The following COL5A1 variants were observed in gnomAD, a reference collection of about 807,000 sequenced individuals.
The protein encoded by COL5A1 is collagen type V alpha 1 chain.
In COL5A1, 16 loss-of-function variants were observed where a neutral mutation model predicts 263.7. The ratio of observed to expected loss-of-function variants is 0.06; its 90% CI spans 0.04 to 0.09. COL5A1 has a LOEUF of 0.09. Ranked by LOEUF, COL5A1 falls within the 10% of genes least tolerant of loss-of-function variation. COL5A1 has a pLI of 1.00. For missense variants in COL5A1, 2,036 were observed against 2,540.5 expected, an observed-to-expected ratio of 0.80 and a Z score of 4.27; for synonymous variants, 1,012 against 1,004.5, an observed-to-expected ratio of 1.01 and a Z score of -0.14.
At position 134,700,626 on chromosome 9, in the gene COL5A1, T is replaced by G. The variant is rs1227337168; in HGVS notation, c.491+504T>G. On this transcript the variant is annotated intron_variant, in intron 3 of 65. Transcript: ENST00000371817. The surrounding 1 kb of genome is among the most constrained non-coding windows in gnomAD (Gnocchi z 4.0). The stretch of plus-strand genomic sequence containing the variant: ...GTCATGCCCTGATAATCTCCGAACG[T>G]CTTCAATACATGATTTCTGAATTCT... Among the ~76,000 whole-genome samples the G allele has an allele frequency of 6.6e-6, 1 of 152,138 alleles. No homozygotes were observed. Among genetic ancestry groups the G allele is most frequent in the Admixed American group, 6.5e-5 (1 of 15,278 alleles).
At chr9:134,699,067 G>A (rs1192828672) in intron 2 of COL5A1, among the ~76,000 whole-genome samples, 1 of 152,198 alleles carries the variant, frequency 6.6e-6, no homozygotes, top group South Asian at 2.1e-4. Context: ...TCAGCCCCAG[G>A]CTCTTGGCAG....
At chr9:134,734,495 C>A (rs1835024188) in intron 9 of COL5A1, among the ~76,000 whole-genome samples, 1 of 152,266 alleles carries the variant, frequency 6.6e-6, no homozygotes, top group Non-Finnish European at 1.5e-5. Context: ...TGCACATAAA[C>A]AGATGGCCAG....
chr9:134,738,643 G>A (rs1394058084), intron 10 of COL5A1, 103 bp from the exon 11 acceptor site: 7 of 1,519,672 alleles, frequency 4.6e-6, no homozygotes, highest in South Asian at 1.1e-5. Flanking sequence ...CCTGGGAGCC[G>A]GCGCTATCCC....
At chr9:134,697,445 G>T (rs1361981465) in intron 2 of COL5A1, among the ~76,000 whole-genome samples, 1 of 152,226 alleles carries the variant, frequency 6.6e-6, no homozygotes, top group Non-Finnish European at 1.5e-5. Flanking sequence ...AGACATGAGT[G>T]TGCGCAACTC....
rs1417669044 is a variant in COL5A1 at position 134,834,726 on chromosome 9, G to C, written c.5137-245G>C. On this transcript the variant is annotated intron_variant, in intron 64 of 65. Coordinates refer to ENST00000371817, the MANE Select transcript of COL5A1 (RefSeq NM_000093.5). ...GCCGAGCCCTGAAGGATAAGCATAA[G>C]CCAAGAGAAGTGGGTGGATTATTTA... Among the ~76,000 whole-genome samples, 3 of 152,328 alleles carry C rather than the reference G, an allele frequency of 2.0e-5. No homozygotes were observed. The East Asian group carries it at 5.8e-4, about 29-fold the overall frequency.
At chr9:134,747,690 A>G (rs554982826) in intron 11 of COL5A1, among the ~76,000 whole-genome samples, 1,993 of 118,502 alleles carry the variant, frequency 0.017, 31 homozygotes, top group African/African-American at 0.044. Flanking sequence ...CACACATGCA[A>G]ACACATGCAC....
At chr9:134,683,959 C>T (rs1832936779) in intron 1 of COL5A1, among the ~76,000 whole-genome samples, 1 of 152,216 alleles carries the variant, frequency 6.6e-6, no homozygotes, top group African/African-American at 2.4e-5. Context: ...TATGGAGCGT[C>T]CAGGCTCAGG....
At chr9:134,819,524 T>C (rs1838906367) in intron 57 of COL5A1, among the ~76,000 whole-genome samples, 1 of 152,222 alleles carries the variant, frequency 6.6e-6, no homozygotes, top group South Asian at 2.1e-4. Flanking sequence ...TGGTTGTATA[T>C]GAAGCAGAAG....
chr9:134,796,308 G>A, intron 34 of COL5A1, 66 bp from the exon 35 acceptor site: 1 of 1,547,292 alleles, frequency 6.5e-7, no homozygotes, highest in Admixed American at 1.7e-5. Flanking sequence ...TGACGTTGTG[G>A]GCCAGAGTCT....
chr9:134,672,240 G>A (rs1377512062), intron 1 of COL5A1, among the ~76,000 whole-genome samples: 1 of 152,176 alleles, frequency 6.6e-6, no homozygotes, highest in African/African-American at 2.4e-5. Flanking sequence ...AAAGCAATAT[G>A]TGTCCATGAT....
At chr9:134,670,263 C>G (rs7868585) in intron 1 of COL5A1, among the ~76,000 whole-genome samples, 2,749 of 152,316 alleles carry the variant, frequency 0.018, 81 homozygotes, top group African/African-American at 0.061. Flanking sequence ...TCCTTTCTGT[C>G]TCTCTGATTA....
At chr9:134,752,910 G>A (rs893680479) in intron 14 of COL5A1, among the ~76,000 whole-genome samples, 7 of 152,122 alleles carry the variant, frequency 4.6e-5, no homozygotes, top group South Asian at 2.1e-4. Context: ...TGACATCAGC[G>A]ATCCTGGGAA....
At chr9:134,778,701 G>A (rs571700110) in intron 27 of COL5A1, among the ~76,000 whole-genome samples, 1 of 152,354 alleles carries the variant, frequency 6.6e-6, no homozygotes, top group African/African-American at 2.4e-5. Flanking sequence ...AGAGGGAGGT[G>A]TCCCAGGCCT....
At chr9:134,655,665 G>A (rs181220552) in intron 1 of COL5A1, among the ~76,000 whole-genome samples, 195 of 152,254 alleles carry the variant, frequency 1.3e-3, no homozygotes, top group African/African-American at 4.1e-3. Flanking sequence ...CCCATGAGGT[G>A]ACTTGCAGGA....
intron 39 of COL5A1, among the ~76,000 whole-genome samples, chr9:134,804,737 GTC>G (rs1838233538): frequency 6.6e-6 from 1 of 152,212 alleles, no homozygotes; most frequent in South Asian, 2.1e-4. Flanking sequence ...TCCAACCCAA[GTC>G]CAGGAGTGTC....
Position 134,765,562 on chromosome 9 carries a change from A to G in COL5A1, c.2035-119A>G. ...TGGGCCTCACTCCTGGGAGGCCAGG[A>G]GGCCTGAGTCACCAGCTGGGGTTCT... On this transcript the variant is annotated intron_variant, in intron 20 of 65. Coordinates refer to ENST00000371817, the MANE Select transcript of COL5A1 (RefSeq NM_000093.5). The surrounding 1 kb of genome is among the most constrained non-coding windows in gnomAD (Gnocchi z 5.1). 1 of 857,040 alleles carries G rather than the reference A, an allele frequency of 1.2e-6. No individual in the cohort carries two copies. Among genetic ancestry groups the G allele is most frequent in the Non-Finnish European group, 2.0e-6 (1 of 506,304 alleles). 53.1% of individuals were successfully genotyped at this position (857,040 alleles called of 1,614,324 possible).
Position 134,686,064 on chromosome 9 carries a change from A to G in COL5A1, c.110-4848A>G, listed in dbSNP as rs1289125341. ...CCATTCATTTATCCACTATCCATCC[A>G]TTCATCCGTCCATCCTGCATGTCTG... is the stretch of plus-strand genomic sequence containing the variant. On this transcript the variant is annotated intron_variant, in intron 1 of 65. Coordinates refer to ENST00000371817, the MANE Select transcript of COL5A1 (RefSeq NM_000093.5). This position sits in a 1 kb window ranked among gnomAD's most constrained non-coding sequence, Gnocchi z 4.6. Among the ~76,000 whole-genome samples the G allele has an allele frequency of 6.6e-6, 1 of 152,152 alleles. No homozygotes were observed. The highest frequency in any genetic ancestry group is 1.9e-4 in the East Asian group (1 of 5,198).
intron 29 of COL5A1, among the ~76,000 whole-genome samples, chr9:134,784,667 A>G (rs1837384191): frequency 6.6e-6 from 1 of 152,268 alleles, no homozygotes; most frequent in Admixed American, 6.5e-5. Flanking sequence ...AACCAAAGTT[A>G]TTTTAGCTAA....
At chr9:134,812,802 A>C in intron 48 of COL5A1, 90 bp downstream of exon 48, 1 of 923,706 alleles carries the variant, frequency 1.1e-6, no homozygotes, top group Non-Finnish European at 1.7e-6. Context: ...GTGTATGTGT[A>C]TGTGCGCATG....
Sources: allele counts gnomAD v4.1 joint callset (sites outside exome capture counted in the v4.1 genomes callset), GRCh38; gene constraint gnomAD v4.1.1; non-coding constraint Gnocchi (gnomAD v3.1); transcripts MANE v1.5; gene names NCBI Gene and HGNC (gene_info 2026-07-23, HGNC 2026-07-21).